Variants in GNA14 observed in about 807,000 individuals in gnomAD.
GNA14 encodes the protein guanine nucleotide-binding protein subunit alpha-14.
Under a neutral mutation model 42.0 loss-of-function variants are expected in GNA14, and 50 were observed. The ratio of observed to expected loss-of-function variants is 1.19; its 90% CI spans 0.95 to 1.51. The LOEUF is 1.51. Among genes scored for constraint, GNA14 ranks in the 40% most tolerant of loss-of-function variants. GNA14 has a pLI of 0.00. For missense variants in GNA14, 473 were observed against 446.2 expected, an observed-to-expected ratio of 1.06 and a Z score of -0.54; for synonymous variants, 173 against 163.1, an observed-to-expected ratio of 1.06 and a Z score of -0.46.
chr9:77,452,596 G>GGTGTGTGGTGT (rs1564018333), intron 2 of GNA14, among the ~76,000 whole-genome samples: 1 of 1,832 alleles, frequency 5.5e-4, no homozygotes, highest in South Asian at 0.031. Context: ...GTGTGTGTGT[G>GGTGTGTGGTGT]GTGTGTATGT....
intron 2 of GNA14, among the ~76,000 whole-genome samples, chr9:77,527,855 G>C (rs187582594): frequency 2.0e-5 from 3 of 152,106 alleles, no homozygotes; most frequent in Non-Finnish European, 4.4e-5. Flanking sequence ...GGCTGGTCTC[G>C]AACTCCTGAC....
At chr9:77,516,079 G>A (rs1837253475) in intron 2 of GNA14, among the ~76,000 whole-genome samples, 3 of 150,774 alleles carry the variant, frequency 2.0e-5, no homozygotes, top group Non-Finnish European at 4.4e-5. Context: ...CGCAAGCAGA[G>A]AGTCACTGAA....
intron 2 of GNA14, 76 bp downstream of exon 2, chr9:77,528,993 T>C: frequency 8.1e-7 from 1 of 1,241,646 alleles, no homozygotes; most frequent in Non-Finnish European, 1.2e-6. Flanking sequence ...ACCAAAGCAC[T>C]GAGGGAATCT....
rs558985720 is a variant in GNA14, at chr9:77,498,815, G to A, written c.309+30254C>T. ...GCTTCTCCAGCCCTCCTGGCTTTGC[G>A]GGGTGTGGGTGTTTGGGTAATGTGA... is the stretch of plus-strand genomic sequence containing the variant. On this transcript the variant is annotated intron_variant, in intron 2 of 6. Coordinates refer to ENST00000341700, the MANE Select transcript of GNA14 (RefSeq NM_004297.4). Among the ~76,000 whole-genome samples, 225 of 152,238 alleles carry A rather than the reference G, an allele frequency of 1.5e-3. 1 individual carries two copies. Among genetic ancestry groups the A allele is most frequent in the Middle Eastern group, 0.01 (3 of 294 alleles).
intron 2 of GNA14, among the ~76,000 whole-genome samples, chr9:77,482,551 A>G (rs1836574489): frequency 6.6e-6 from 1 of 152,006 alleles, no homozygotes; most frequent in East Asian, 1.9e-4. Flanking sequence ...GCTCGTCTTG[A>G]AGAGTATCTT....
intron 1 of GNA14, among the ~76,000 whole-genome samples, chr9:77,535,632 C>G (rs1282150616): frequency 6.6e-6 from 1 of 152,166 alleles, no homozygotes; most frequent in Non-Finnish European, 1.5e-5. Context: ...GACTCCCTAC[C>G]TAAGTGCAGG....
chr9:77,614,085 T>G (rs372483519), intron 1 of GNA14, among the ~76,000 whole-genome samples: 4 of 152,206 alleles, frequency 2.6e-5, no homozygotes, highest in African/African-American at 9.7e-5. Context: ...AATTAAAACT[T>G]ATTTTTCCCT....
intron 2 of GNA14, among the ~76,000 whole-genome samples, chr9:77,512,673 T>C (rs1837189505): frequency 6.6e-6 from 1 of 152,198 alleles, no homozygotes; most frequent in African/African-American, 2.4e-5. Context: ...CTTCTTTCTA[T>C]ACCTCACTTC....
intron 2 of GNA14, among the ~76,000 whole-genome samples, chr9:77,434,953 T>C (rs1356224091): frequency 6.6e-6 from 1 of 151,596 alleles, no homozygotes; most frequent in Admixed American, 6.6e-5. Context: ...TGGTAGAAAC[T>C]GGTCCACCTG....
intron 1 of GNA14, among the ~76,000 whole-genome samples, chr9:77,531,447 A>C (rs1369184370): frequency 6.6e-6 from 1 of 152,146 alleles, no homozygotes; most frequent in Non-Finnish European, 1.5e-5. Context: ...GCTTGATTCA[A>C]AGTCCCAAGT....
chr9:77,443,780 C>G (rs955511113), intron 2 of GNA14, among the ~76,000 whole-genome samples: 2 of 151,908 alleles, frequency 1.3e-5, no homozygotes, highest in Non-Finnish European at 2.9e-5. Context: ...TCGAGACCAG[C>G]GTAGGCAAAA....
At chr9:77,480,558 C>T (rs999256732) in intron 2 of GNA14, among the ~76,000 whole-genome samples, 7 of 152,140 alleles carry the variant, frequency 4.6e-5, no homozygotes, top group Non-Finnish European at 2.9e-5. Context: ...TGATGCTGGC[C>T]TCATAAAATG....
chr9:77,565,080 T>C (rs1370553341), intron 1 of GNA14, among the ~76,000 whole-genome samples: 1 of 152,256 alleles, frequency 6.6e-6, no homozygotes, highest in Non-Finnish European at 1.5e-5. Flanking sequence ...TGCCTCTGAG[T>C]GCTTTCCATG....
At chr9:77,538,080 T>TTTC (rs1259990126) in intron 1 of GNA14, among the ~76,000 whole-genome samples, 8 of 151,132 alleles carry the variant, frequency 5.3e-5, no homozygotes, top group Admixed American at 1.3e-4. Context: ...TTTTTTTTTT[T>TTTC]CCCTTAAAGA....
At chr9:77,619,354 G>A (rs547062083) in intron 1 of GNA14, among the ~76,000 whole-genome samples, 8 of 152,104 alleles carry the variant, frequency 5.3e-5, no homozygotes, top group Non-Finnish European at 7.4e-5. Context: ...CTACAGGCGC[G>A]TGTCATCCAG....
intron 1 of GNA14, among the ~76,000 whole-genome samples, chr9:77,577,787 A>G (rs112246457): frequency 0.024 from 3,650 of 152,190 alleles, 61 homozygotes; most frequent in Middle Eastern, 0.068. Flanking sequence ...CTTCCCATCA[A>G]ATGGCCTCAA....
chr9:77,488,270 G>A (rs368011490), intron 2 of GNA14, among the ~76,000 whole-genome samples: 10 of 152,162 alleles, frequency 6.6e-5, no homozygotes, highest in African/African-American at 2.2e-4. Context: ...GGCACCAAGT[G>A]CATGGAAAAT....
chr9:77,432,169 T>C (rs1478680123), intron 3 of GNA14, among the ~76,000 whole-genome samples: 2 of 151,374 alleles, frequency 1.3e-5, no homozygotes, highest in African/African-American at 4.9e-5. Flanking sequence ...TAACTGTAAC[T>C]CAGGCCCTCG....
At chr9:77,635,672 A>G (rs996222088) in intron 1 of GNA14, among the ~76,000 whole-genome samples, 3 of 152,244 alleles carry the variant, frequency 2.0e-5, no homozygotes, top group African/African-American at 7.2e-5. Context: ...GTGTATATTT[A>G]CTATGGTGGC....
Sources: allele counts gnomAD v4.1 joint callset (sites outside exome capture counted in the v4.1 genomes callset), GRCh38; gene constraint gnomAD v4.1.1; transcripts MANE v1.5; gene names NCBI Gene and HGNC (gene_info 2026-07-23, HGNC 2026-07-21).